Variants in ARMH3 observed in about 807,000 individuals in gnomAD.
ARMH3 encodes the protein armadillo-like helical domain-containing protein 3.
In ARMH3, 60 loss-of-function variants were observed where a neutral mutation model predicts 99.1. The observed-to-expected ratio is 0.61, with a 90% CI of 0.49 to 0.75. The LOEUF is 0.75. Ranked by LOEUF, ARMH3 falls within the 30% of genes least tolerant of loss-of-function variation. ARMH3 has a pLI of 0.00. For missense variants in ARMH3, 679 were observed against 843.1 expected (o/e 0.81, Z 2.41); for synonymous variants, 285 against 292.8 (o/e 0.97, Z 0.27).
chr10:101,875,549 A>G (rs1187407019), intron 24 of ARMH3, among the ~76,000 whole-genome samples: 1 of 152,114 alleles, frequency 6.6e-6, no homozygotes, highest in Non-Finnish European at 1.5e-5. Context: ...CCTATACTTC[A>G]GGACCAAACC....
At chr10:101,990,203 G>T (rs1846722895) in intron 19 of ARMH3, among the ~76,000 whole-genome samples, 2 of 118,070 alleles carry the variant, frequency 1.7e-5, no homozygotes, top group Non-Finnish European at 1.7e-5. Flanking sequence ...TTTTTTCCCA[G>T]ACAGAGTCTT....
At chr10:101,993,640 C>T (rs3808939) in intron 16 of ARMH3, 37 bp from the exon 17 acceptor site, 1 of 1,401,878 alleles carries the variant, frequency 7.1e-7, no homozygotes, top group Non-Finnish European at 9.9e-7. Context: ...GAAGCGAGAG[C>T]TATATTTAAG....
rs1239361114 is a variant in ARMH3, at chr10:102,056,081, T to C, written c.-12+4A>G. 1.3e-5 allele frequency: 2 copies of C among 152,320 alleles called. No homozygotes were observed. The highest frequency in any genetic ancestry group is 2.9e-5 in the Non-Finnish European group (2 of 68,164). The allele number at this position is 152,320 out of a possible 1,614,324, so 9.4% of individuals were successfully genotyped here. ...CCGGGCCGGGCCTGGCCGCCGCCGC[T>C]TACCGAGCCCGCGGCTCCTCCTCTA... On this transcript the variant is annotated splice_donor_region_variant and intron_variant, in intron 1 of 25. Transcript: ENST00000370033.
At chr10:101,881,749 T>A (rs1194482203) in intron 24 of ARMH3, among the ~76,000 whole-genome samples, 5 of 152,204 alleles carry the variant, frequency 3.3e-5, no homozygotes, top group Non-Finnish European at 5.9e-5. Flanking sequence ...ATATTTTAAA[T>A]CATCCAGCCT....
intron 23 of ARMH3, among the ~76,000 whole-genome samples, chr10:101,910,382 G>T (rs1842812978): frequency 6.6e-6 from 1 of 152,152 alleles, no homozygotes; most frequent in Non-Finnish European, 1.5e-5. Context: ...TTTAGATTGT[G>T]TTATTTGCCA....
chr10:101,915,387 G>T (rs1396430544), intron 23 of ARMH3, among the ~76,000 whole-genome samples: 1 of 152,186 alleles, frequency 6.6e-6, no homozygotes, highest in African/African-American at 2.4e-5. Context: ...CATCTGCTCA[G>T]AGTAGTCAGC....
chr10:101,904,405 G>T (rs1048525424), intron 23 of ARMH3, among the ~76,000 whole-genome samples: 1 of 152,072 alleles, frequency 6.6e-6, no homozygotes, highest in South Asian at 2.1e-4. Flanking sequence ...AGCCAGTGAG[G>T]AGTTTTTTTT....
intron 4 of ARMH3, among the ~76,000 whole-genome samples, chr10:102,031,384 A>G (rs1187888089): frequency 6.6e-6 from 1 of 152,246 alleles, no homozygotes; most frequent in Non-Finnish European, 1.5e-5. Flanking sequence ...AACAATGTAC[A>G]ATATTTTATG....
chr10:101,941,949 T>C (rs1844260171), intron 22 of ARMH3, among the ~76,000 whole-genome samples: 1 of 152,232 alleles, frequency 6.6e-6, no homozygotes, highest in Non-Finnish European at 1.5e-5. Context: ...TAGACATTTA[T>C]GAAATGGAGC....
chr10:101,936,577 TAA>T (rs1011179364), intron 23 of ARMH3, among the ~76,000 whole-genome samples: 1 of 134,048 alleles, frequency 7.5e-6, no homozygotes, highest in Admixed American at 7.5e-5. Context: ...ATGCTAAACC[TAA>T]AAAAAAAAAA....
At chr10:101,971,774 C>T (rs1045669077) in intron 20 of ARMH3, among the ~76,000 whole-genome samples, 2 of 152,090 alleles carry the variant, frequency 1.3e-5, no homozygotes, top group African/African-American at 4.8e-5. Context: ...ATTCTATTCT[C>T]AAAAGTAAAG....
intron 8 of ARMH3, among the ~76,000 whole-genome samples, chr10:102,017,735 T>A (rs1473536301): frequency 2.6e-5 from 4 of 152,078 alleles, no homozygotes; most frequent in Admixed American, 1.3e-4. Flanking sequence ...GGGAATAAAT[T>A]TCATATTTAT....
intron 24 of ARMH3, among the ~76,000 whole-genome samples, chr10:101,875,214 T>C (rs982191169): frequency 3.3e-5 from 5 of 151,476 alleles, no homozygotes; most frequent in African/African-American, 1.2e-4. Context: ...CACAACACTT[T>C]AGTAGCCCAA....
chr10:101,976,523 C>T (rs183367984), intron 19 of ARMH3, among the ~76,000 whole-genome samples: 6 of 151,796 alleles, frequency 4.0e-5, no homozygotes, highest in East Asian at 1.9e-4. Context: ...GCGCCACTGA[C>T]GTCTTTCCCT....
intron 8 of ARMH3, among the ~76,000 whole-genome samples, chr10:102,022,156 C>G (rs2066899944): frequency 6.6e-6 from 1 of 152,064 alleles, no homozygotes; most frequent in African/African-American, 2.4e-5. Flanking sequence ...GACGCTCTCT[C>G]ATGTTCACGA....
chr10:101,906,848 A>T (rs1842653851), intron 23 of ARMH3, among the ~76,000 whole-genome samples: 1 of 152,202 alleles, frequency 6.6e-6, no homozygotes, highest in Non-Finnish European at 1.5e-5. Flanking sequence ...AGCTGTGAAG[A>T]ATCAGATATG....
chr10:102,036,608 T>A (rs2067280860), intron 2 of ARMH3, among the ~76,000 whole-genome samples: 1 of 152,028 alleles, frequency 6.6e-6, no homozygotes, highest in African/African-American at 2.4e-5. Context: ...ATGTGCTGTG[T>A]CCACTCAGGG....
intron 24 of ARMH3, among the ~76,000 whole-genome samples, chr10:101,856,354 T>C (rs1439799751): frequency 2.0e-5 from 3 of 152,224 alleles, no homozygotes; most frequent in Non-Finnish European, 4.4e-5. Context: ...AAGCTTGAAA[T>C]TCAAAGGTCT....
intron 24 of ARMH3, among the ~76,000 whole-genome samples, chr10:101,853,047 C>T (rs2066642252): frequency 7.0e-6 from 1 of 142,236 alleles, no homozygotes; most frequent in South Asian, 2.2e-4. Flanking sequence ...CCATGCTTGG[C>T]TAATTTTTTT....
Sources: gnomAD v4.1 joint callset for allele counts (sites outside exome capture counted in the v4.1 genomes callset) on GRCh38, gnomAD v4.1.1 for gene constraint, MANE v1.5 for transcripts, NCBI Gene and HGNC (gene_info 2026-07-23, HGNC 2026-07-21) for gene names.